ZBBX: variants seen among roughly 807,000 people sequenced by gnomAD.
ZBBX encodes zinc finger B-box domain-containing protein 1.
A neutral mutation model predicts 108.5 loss-of-function variants in ZBBX; 101 were observed. That is an observed-to-expected ratio of 0.93 (90% CI 0.79 to 1.10). The LOEUF is 1.10. Ranked by LOEUF, ZBBX falls within the 50% of genes least tolerant of loss-of-function variation. The probability of loss-of-function intolerance (pLI) is 0.00; values close to 1 mark genes in which losing one functional copy is unlikely to be tolerated. For synonymous variants in ZBBX, 356 were observed against 323.4 expected, an observed-to-expected ratio of 1.10 and a Z score of -1.08; for missense variants, 1,009 against 941.4, an observed-to-expected ratio of 1.07 and a Z score of -0.94.
chr3:167,295,626 T>C (rs968532858), intron 18 of ZBBX, among the ~76,000 whole-genome samples: 1 of 149,822 alleles, frequency 6.7e-6, no homozygotes, highest in Admixed American at 6.7e-5. Context: ...TGTATACCTA[T>C]GTAACAAACC....
In ZBBX at chr3:167,272,476, G is replaced by A. The variant is rs530570730; in HGVS notation, c.2254+9762C>T. ...GCTCCTGACCACTGAACTGCAGTCC[G>A]GACAGCAGAGACTTGACACTTGAGT... On this transcript the variant is annotated intron_variant, in intron 20 of 21. Transcript: ENST00000675490. Among the ~76,000 whole-genome samples the A allele has an allele frequency of 5.9e-5, 9 of 152,214 alleles. No individual in the cohort carries two copies. The South Asian group carries it at 1.0e-3, about 18-fold the overall frequency.
At chr3:167,179,072 G>A in the ZBBX span, among the ~76,000 whole-genome samples, 7 of 152,090 alleles carry the variant, frequency 4.6e-5, no homozygotes, top group Admixed American at 1.3e-4. Context: ...GCCCATCACC[G>A]AGAAACACTG....
chr3:167,334,382 T>C (rs79900570), intron 9 of ZBBX, among the ~76,000 whole-genome samples: 202 of 152,156 alleles, frequency 1.3e-3, no homozygotes, highest in African/African-American at 4.4e-3. Flanking sequence ...CAGGACAGCC[T>C]GGCCAACATG....
chr3:167,330,966 C>CTCTCTCTCTCTCTCT (rs1738499559), intron 10 of ZBBX, among the ~76,000 whole-genome samples: 28 of 18,730 alleles, frequency 1.5e-3, no homozygotes, highest in East Asian at 5.5e-3. Flanking sequence ...TCTCTCTCTC[C>CTCTCTCTCTCTCTCT]CCCACTCCCC....
At chr3:167,181,790 C>A in the ZBBX span, among the ~76,000 whole-genome samples, 1 of 152,126 alleles carries the variant, frequency 6.6e-6, no homozygotes, top group Non-Finnish European at 1.5e-5. Context: ...TATGTACTTG[C>A]ACTCCTTTTA....
intron 16 of ZBBX, 31 bp from the exon 17 acceptor site, chr3:167,305,981 A>T: frequency 4.2e-6 from 6 of 1,434,086 alleles, no homozygotes; most frequent in Non-Finnish European, 5.5e-6. Context: ...CAAAAGGTAC[A>T]TAAATAAATT....
intron 20 of ZBBX, among the ~76,000 whole-genome samples, chr3:167,280,303 A>T (rs1328762829): frequency 6.6e-6 from 1 of 151,982 alleles, no homozygotes; most frequent in Non-Finnish European, 1.5e-5. Flanking sequence ...AACTACCATC[A>T]GAGTGAACAG....
chr3:167,190,048 T>C, the ZBBX span, among the ~76,000 whole-genome samples: 10 of 152,350 alleles, frequency 6.6e-5, no homozygotes, highest in South Asian at 1.0e-3. Context: ...GTTAGAAATA[T>C]GTTATTGATA....
At chr3:167,256,690 T>C (rs1723590671) in intron 20 of ZBBX, among the ~76,000 whole-genome samples, 1 of 151,170 alleles carries the variant, frequency 6.6e-6, no homozygotes, top group Non-Finnish European at 1.5e-5. Flanking sequence ...TTGTTTTGAT[T>C]TTTAGATCCC....
the ZBBX span, among the ~76,000 whole-genome samples, chr3:167,230,881 G>A: frequency 6.6e-6 from 1 of 151,810 alleles, no homozygotes; most frequent in African/African-American, 2.4e-5. Context: ...GGAGATTTTG[G>A]ATTAGTGTGA....
intron 10 of ZBBX, among the ~76,000 whole-genome samples, chr3:167,330,871 G>GAGGAGAAGA (rs1423113017): frequency 1.6e-4 from 7 of 43,916 alleles, no homozygotes; most frequent in Non-Finnish European, 4.5e-5. Flanking sequence ...GGAGGAGGAG[G>GAGGAGAAGA]AGAAGAAGAA....
the ZBBX span, among the ~76,000 whole-genome samples, chr3:167,217,198 G>T: frequency 6.6e-6 from 1 of 152,102 alleles, no homozygotes; most frequent in Non-Finnish European, 1.5e-5. Context: ...CTATGGAATA[G>T]GAGAAAATTT....
chr3:167,223,648 T>C, the ZBBX span, among the ~76,000 whole-genome samples: 1 of 151,940 alleles, frequency 6.6e-6, no homozygotes, highest in Admixed American at 6.6e-5. Context: ...CTGTCGGAAG[T>C]ATGATTAATG....
the ZBBX span, among the ~76,000 whole-genome samples, chr3:167,184,985 C>A: frequency 6.6e-6 from 1 of 152,176 alleles, no homozygotes; most frequent in South Asian, 2.1e-4. Context: ...AAATTGTACA[C>A]ATGATCTCTC....
chr3:167,322,728 A>G (rs888203346), intron 11 of ZBBX, among the ~76,000 whole-genome samples: 8 of 152,054 alleles, frequency 5.3e-5, no homozygotes, highest in African/African-American at 1.9e-4. Flanking sequence ...TTTCTGAAGC[A>G]CTACTAAATT....
At chr3:167,296,267 A>G (rs1335101897) in intron 18 of ZBBX, among the ~76,000 whole-genome samples, 2 of 152,076 alleles carry the variant, frequency 1.3e-5, no homozygotes, top group Non-Finnish European at 2.9e-5. Context: ...CAATAAAAGT[A>G]ATATGCTAAT....
At chr3:167,358,603 A>T (rs1358949193) in intron 8 of ZBBX, among the ~76,000 whole-genome samples, 1 of 152,066 alleles carries the variant, frequency 6.6e-6, no homozygotes, top group African/African-American at 2.4e-5. Context: ...AGAAGTCATA[A>T]TTTTCTGTAA....
chr3:167,210,977 G>A, the ZBBX span, among the ~76,000 whole-genome samples: 7 of 152,300 alleles, frequency 4.6e-5, no homozygotes, highest in African/African-American at 1.7e-4. Flanking sequence ...TCTGGGGGGA[G>A]TGGCCAAGAT....
At chr3:167,236,174 T>C (rs1042181765), downstream of ZBBX, among the ~76,000 whole-genome samples, 1 of 151,708 alleles carries the variant, frequency 6.6e-6, no homozygotes, top group African/African-American at 2.4e-5. Context: ...TATAAACAGA[T>C]GGGATGTTTC....
Sources: gnomAD v4.1 joint callset for allele counts (sites outside exome capture counted in the v4.1 genomes callset) on GRCh38, gnomAD v4.1.1 for gene constraint, MANE v1.5 for transcripts, NCBI Gene and HGNC (gene_info 2026-07-23, HGNC 2026-07-21) for gene names.